Variants in PKD1L3 observed in about 807,000 individuals in gnomAD.
The protein encoded by PKD1L3 is polycystin-1-like protein 3.
A neutral mutation model predicts 184.1 loss-of-function variants in PKD1L3; 239 were observed. The observed-to-expected ratio is 1.30, with a 90% CI of 1.17 to 1.45. PKD1L3 has a LOEUF of 1.45. PKD1L3 is among the 40% of genes most tolerant of loss of function. The pLI is 0.00. For missense variants in PKD1L3, 2,660 were observed against 2,067.2 expected (o/e 1.29, Z -5.56); for synonymous variants, 996 against 778.8 (o/e 1.28, Z -4.64).
chr16:71,979,083 C>A (rs756246687), intron 9 of PKD1L3, among the ~76,000 whole-genome samples: 1 of 152,130 alleles, frequency 6.6e-6, no homozygotes, highest in Non-Finnish European at 1.5e-5. Flanking sequence ...GAAAGGAATA[C>A]AATATATTGA....
intron 5 of PKD1L3, among the ~76,000 whole-genome samples, chr16:71,985,901 C>T (rs1017161970): frequency 8.5e-5 from 13 of 152,088 alleles, no homozygotes; most frequent in East Asian, 1.9e-4. Flanking sequence ...GGAAACAAGG[C>T]GGAGAGAGGG....
At position 71,978,333 on chromosome 16, in the gene PKD1L3, A is replaced by G; in HGVS notation, c.1449T>C (p.Ile483=). 8.4e-6 allele frequency: 13 copies of G among 1,550,404 alleles called. No homozygotes were observed. The highest frequency in any genetic ancestry group is 1.1e-5 in the Non-Finnish European group (13 of 1,146,372). Reference sequence around the variant, plus strand: ...GTAACACACTTCCAATGCTTCCAACAATGTTTCTGTTGTCCAAATCCTTGA... The same window carrying G: ...GTAACACACTTCCAATGCTTCCAACGATGTTTCTGTTGTCCAAATCCTTGA... The part of the protein sequence containing the change: ...NPFKDLDNRN[I]VGSIGSVLLS... The change falls in exon 10 of 30, where the codon ATT becomes ATC. Residue 483 remains isoleucine, a synonymous_variant. Transcript: ENST00000620267.
At chr16:71,968,374 C>T (rs922422882) in intron 13 of PKD1L3, among the ~76,000 whole-genome samples, 3 of 152,160 alleles carry the variant, frequency 2.0e-5, no homozygotes, top group Admixed American at 6.5e-5. Context: ...CTTACACTAA[C>T]GATGCACTGT....
chr16:71,936,447 C>T (rs182025266), intron 25 of PKD1L3, among the ~76,000 whole-genome samples: 2 of 151,858 alleles, frequency 1.3e-5, no homozygotes, highest in East Asian at 1.9e-4. Context: ...AGGTGATCAA[C>T]CCATCTTGGC....
At position 71,947,610 on chromosome 16, in the gene PKD1L3, G is replaced by C. The variant is rs775008111; in HGVS notation, c.3619-19C>G. 164 of 1,453,142 alleles carry C rather than the reference G, an allele frequency of 1.1e-4. 3 individuals are homozygous for C. In the South Asian group the frequency reaches 1.8e-3, roughly 16 times the overall value. 90.0% of individuals were successfully genotyped at this position (1,453,142 alleles called of 1,614,324 possible). Reference sequence around the variant, plus strand: ...AGACCACCTGGGCAGGAGAATCACAGAACATCGTGAGCAGACATTACAGAC... The same window carrying C: ...AGACCACCTGGGCAGGAGAATCACACAACATCGTGAGCAGACATTACAGAC... On this transcript the variant is annotated intron_variant, in intron 21 of 29. Coordinates refer to ENST00000620267, the MANE Select transcript of PKD1L3 (RefSeq NM_181536.2).
rs558391231 is a variant in PKD1L3, at chr16:71,978,132, T to C, written c.1527+123A>G. 6.7e-6 allele frequency: 8 copies of C among 1,190,696 alleles called. No individual in the cohort carries two copies. In the Admixed American group the frequency reaches 2.0e-4, roughly 30 times the overall value. 73.8% of individuals were successfully genotyped at this position (1,190,696 alleles called of 1,614,324 possible). A position where few individuals can be genotyped will look rare whatever the true frequency, so the allele number is the denominator to read the frequency against. On this transcript the variant is annotated intron_variant, in intron 10 of 29. Transcript: ENST00000620267. Reference sequence around the variant, plus strand: ...CTCTTTGTAAAAGTTCCTAAGATGTTAATAACAAAACAATGGCACTGCCAT... The same window carrying C: ...CTCTTTGTAAAAGTTCCTAAGATGTCAATAACAAAACAATGGCACTGCCAT...
At position 71,967,137 on chromosome 16, in the gene PKD1L3, C is replaced by T. The variant is rs1333243212; in HGVS notation, c.2465G>A (p.Trp822Ter). ...CAGCCAACAGGATATAAGTACTCAC[C>T]AGGAGGGACTGACGCCAGAATTGTC... The part of the protein sequence containing the change: ...WHDNSGVSPS[W>*]YVSQVIVCDM... The change falls in exon 15 of 30, where the codon TGG becomes TAG. Residue 822 changes from tryptophan (W) to a stop codon, truncating the protein, a stop_gained and splice_region_variant. Transcript: ENST00000620267. LOFTEE classifies it high-confidence loss of function. The T allele has an allele frequency of 6.4e-7, 1 of 1,551,372 alleles. No homozygotes were observed. Among genetic ancestry groups the T allele is most frequent in the Admixed American group, 2.0e-5 (1 of 50,970 alleles).
chr16:71,937,550 G>C (rs2038223248), intron 24 of PKD1L3, 131 bp from the exon 25 acceptor site: 10 of 998,868 alleles, frequency 1.0e-5, no homozygotes, highest in African/African-American at 3.3e-5. Flanking sequence ...GCTCCACTTA[G>C]TATTTCCTTT....
chr16:71,953,076 C>T lies in PKD1L3; in HGVS notation c.2827G>A (p.Ala943Thr). Residue 943 changes from alanine to threonine, a missense_variant, in exon 18 of 30, where the codon GCC (alanine) becomes ACC (threonine). Physicochemically the swap from Ala to Thr is moderately conservative, Grantham distance 58. Coordinates refer to ENST00000620267, the MANE Select transcript of PKD1L3 (RefSeq NM_181536.2). ...ATGCTGACCAGCAGTTCAGACCAGGCCACAGCAAATGGACGCACTGAAAGA... is the reference window on the plus strand; with the variant it reads ...ATGCTGACCAGCAGTTCAGACCAGGTCACAGCAAATGGACGCACTGAAAGA... Reference protein sequence around the residue: ...RDEQMRPFAVAWSELLVSIHT... With the variant: ...RDEQMRPFAVTWSELLVSIHT... 1 of 1,474,432 alleles carries T rather than the reference C, an allele frequency of 6.8e-7. No homozygotes were observed. Among genetic ancestry groups the T allele is most frequent in the Non-Finnish European group, 9.0e-7 (1 of 1,114,352 alleles). 91.3% of individuals were successfully genotyped at this position (1,474,432 alleles called of 1,614,324 possible).
intron 24 of PKD1L3, among the ~76,000 whole-genome samples, chr16:71,942,230 G>C (rs935616648): frequency 6.6e-6 from 1 of 152,074 alleles, no homozygotes; most frequent in African/African-American, 2.4e-5. Flanking sequence ...TACTTGGGAG[G>C]CTCAGGCAGG....
At position 71,986,283 on chromosome 16, in the gene PKD1L3, C is replaced by A. The variant is rs958297008; in HGVS notation, c.772G>T (p.Glu258Ter). 1.3e-6 allele frequency: 2 copies of A among 1,552,110 alleles called. No individual in the cohort carries two copies. The highest frequency in any genetic ancestry group is 2.7e-5 in the African/African-American group (2 of 73,038). The change falls in exon 5 of 30, where the codon GAA (glutamate) becomes TAA (stop). Residue 258 changes from glutamate (E) to a stop codon, truncating the protein, a stop_gained. Coordinates refer to ENST00000620267, the MANE Select transcript of PKD1L3 (RefSeq NM_181536.2). LOFTEE classifies it high-confidence loss of function. Reference sequence around the variant, plus strand: ...GAGGTGAAGGTATTCGGATGACCTTCTTCCTTTGGGCTTGAAGTTGTTTCT... The same window carrying A: ...GAGGTGAAGGTATTCGGATGACCTTATTCCTTTGGGCTTGAAGTTGTTTCT... ...LAETTSSPKE[E>*]GHPNTFTSYL...
chr16:71,951,190 C>A (rs1219320208), intron 19 of PKD1L3, among the ~76,000 whole-genome samples: 4 of 152,090 alleles, frequency 2.6e-5, no homozygotes, highest in African/African-American at 9.7e-5. Flanking sequence ...CAGGCGCCCG[C>A]CACTACACCT....
rs777088966 is a variant in PKD1L3 at position 71,953,037 on chromosome 16, T to C, written c.2866A>G (p.Ile956Val). The change falls in exon 18 of 30, where the codon ATC becomes GTC. Residue 956 changes from isoleucine (I) to valine (V), a missense_variant. Transcript: ENST00000620267. ...ATGACAAGATTGATTGGGAAGAGGA[T>C]GACAGCAGTATGGATGCTGACCAGC... ...ELLVSIHTAV[I>V]LFPINLVIGR... 36 of 1,547,870 alleles carry C rather than the reference T, an allele frequency of 2.3e-5. 1 individual carries two copies. In the African/African-American group the frequency reaches 4.5e-4, roughly 19 times the overall value.
intron 16 of PKD1L3, 120 bp downstream of exon 16, chr16:71,963,085 G>T: frequency 9.1e-7 from 1 of 1,101,842 alleles, no homozygotes; most frequent in Non-Finnish European, 1.2e-6. Context: ...TAATGCTTAT[G>T]TATGTTTGAA....
At chr16:71,986,788 CCT>C (rs1401428583) in intron 4 of PKD1L3, among the ~76,000 whole-genome samples, 1 of 152,132 alleles carries the variant, frequency 6.6e-6, no homozygotes, top group East Asian at 1.9e-4. Context: ...TTGTCGAGCC[CCT>C]GTGTTAGTGG....
intron 11 of PKD1L3, among the ~76,000 whole-genome samples, chr16:71,974,513 T>A (rs1234386633): frequency 6.6e-6 from 1 of 152,006 alleles, no homozygotes; most frequent in African/African-American, 2.4e-5. Flanking sequence ...AAACCCTGTC[T>A]CTACTAAAAA....
chr16:71,956,807 TG>T (rs1038577855), intron 16 of PKD1L3, among the ~76,000 whole-genome samples: 3 of 152,154 alleles, frequency 2.0e-5, no homozygotes, highest in African/African-American at 7.2e-5. Context: ...AGATGGTAAA[TG>T]TTATGTGTTT....
chr16:71,972,033 G>A (rs2039731602), intron 12 of PKD1L3, among the ~76,000 whole-genome samples: 1 of 151,936 alleles, frequency 6.6e-6, no homozygotes, highest in South Asian at 2.1e-4. Context: ...TGGCTAACAC[G>A]GTGAAACCCT....
At chr16:71,936,998 G>A (rs2038202481) in intron 25 of PKD1L3, among the ~76,000 whole-genome samples, 4 of 152,194 alleles carry the variant, frequency 2.6e-5, no homozygotes, top group Admixed American at 2.6e-4. Flanking sequence ...ACATGTCATT[G>A]TAGAGCTTCC....
Sources: gnomAD v4.1 joint callset for allele counts (sites outside exome capture counted in the v4.1 genomes callset) on GRCh38, gnomAD v4.1.1 for gene constraint, MANE v1.5 for transcripts, NCBI Gene and HGNC (gene_info 2026-07-23, HGNC 2026-07-21) for gene names.